PRKD1: variants seen among roughly 807,000 people sequenced by gnomAD.
PRKD1 encodes serine/threonine-protein kinase D1.
Under a neutral mutation model 95.9 loss-of-function variants are expected in PRKD1, and 63 were observed. That is an observed-to-expected ratio of 0.66 (90% CI 0.54 to 0.81). The LOEUF (loss-of-function observed/expected upper bound fraction) is 0.81. Ranked by LOEUF, PRKD1 falls within the 30% of genes least tolerant of loss-of-function variation. The pLI is 0.00. For synonymous variants in PRKD1, 425 were observed against 423.1 expected (o/e 1.00, Z -0.05); for missense variants, 1,048 against 1,165.3 (o/e 0.90, Z 1.47).
At chr14:29,856,226 T>C (rs1378832278) in intron 1 of PRKD1, among the ~76,000 whole-genome samples, 2 of 152,300 alleles carry the variant, frequency 1.3e-5, no homozygotes, top group East Asian at 1.9e-4. Context: ...CAAACTCTTT[T>C]TCCAAGTCTA....
rs188453607 is a variant in PRKD1 at position 29,767,976 on chromosome 14, T to G, written c.265-42302A>C. ...TAGGTTAACATTTATTATCTACTGT[T>G]TTATAACAGAGCAAACAAGTGTGTC... On this transcript the variant is annotated intron_variant, in intron 1 of 17. Transcript: ENST00000331968. 4.9e-4 allele frequency among the ~76,000 whole-genome samples: 74 copies of G among 152,322 alleles called. 1 individual carries two copies. Among genetic ancestry groups the G allele is most frequent in the Admixed American group, 1.6e-3 (25 of 15,302 alleles).
chr14:29,750,613 C>T (rs553840479), intron 1 of PRKD1, among the ~76,000 whole-genome samples: 4 of 142,714 alleles, frequency 2.8e-5, no homozygotes, highest in Non-Finnish European at 6.0e-5. Context: ...TGCATGAACG[C>T]GCGCACACAC....
intron 2 of PRKD1, among the ~76,000 whole-genome samples, chr14:29,705,957 T>C (rs991821042): frequency 3.3e-5 from 5 of 152,156 alleles, no homozygotes; most frequent in Admixed American, 3.3e-4. Context: ...TGAACATATG[T>C]TTTCAATTCT....
intron 1 of PRKD1, among the ~76,000 whole-genome samples, chr14:29,766,750 A>C (rs1340841653): frequency 6.6e-6 from 1 of 152,198 alleles, no homozygotes; most frequent in Non-Finnish European, 1.5e-5. Context: ...AAAAAATGAG[A>C]TATTCATAAT....
chr14:29,776,011 C>T (rs939128946), intron 1 of PRKD1, among the ~76,000 whole-genome samples: 12 of 152,140 alleles, frequency 7.9e-5, no homozygotes, highest in Non-Finnish European at 1.6e-4. Flanking sequence ...CTGCAGCCTC[C>T]GTTGGTGGTA....
intron 1 of PRKD1, among the ~76,000 whole-genome samples, chr14:29,863,929 T>C (rs1007238851): frequency 1.3e-5 from 2 of 152,168 alleles, no homozygotes; most frequent in African/African-American, 4.8e-5. Flanking sequence ...TAGCTACTTC[T>C]GGGAAACAAT....
rs367690824 is a variant in PRKD1 at position 29,743,521 on chromosome 14, T to C, written c.265-17847A>G. Among the ~76,000 whole-genome samples the C allele has an allele frequency of 5.0e-4, 76 of 152,284 alleles. 2 individuals carry two copies. In the South Asian group the frequency reaches 0.016, roughly 32 times the overall value. ...TAAATTCATAGAACATAAAATTCAC[T>C]AGTGGAGACAAGAACATGTTAGGAA... On this transcript the variant is annotated intron_variant, in intron 1 of 17. Transcript: ENST00000331968.
intron 4 of PRKD1, among the ~76,000 whole-genome samples, chr14:29,653,338 T>C (rs987981123): frequency 1.4e-4 from 22 of 152,314 alleles, no homozygotes; most frequent in African/African-American, 5.1e-4. Flanking sequence ...GCTAGAAGCA[T>C]TTAATTCCAA....
At chr14:29,907,514 C>G (rs1395733089) in intron 1 of PRKD1, among the ~76,000 whole-genome samples, 2 of 152,038 alleles carry the variant, frequency 1.3e-5, no homozygotes, top group Non-Finnish European at 2.9e-5. Context: ...GGCAAAGATC[C>G]CTGGTCGTGT....
chr14:29,589,276 C>T (rs997681902), intron 16 of PRKD1, among the ~76,000 whole-genome samples: 1 of 152,274 alleles, frequency 6.6e-6, no homozygotes, highest in Non-Finnish European at 1.5e-5. Flanking sequence ...CCTAGTGAAA[C>T]GACTTGCACT....
chr14:29,709,995 C>A (rs545845350), intron 2 of PRKD1, among the ~76,000 whole-genome samples: 1 of 152,294 alleles, frequency 6.6e-6, no homozygotes, highest in African/African-American at 2.4e-5. Flanking sequence ...TCAATTACTT[C>A]TTCACACAGT....
At chr14:29,789,531 C>G (rs1889438713) in intron 1 of PRKD1, among the ~76,000 whole-genome samples, 1 of 152,118 alleles carries the variant, frequency 6.6e-6, no homozygotes, top group Non-Finnish European at 1.5e-5. Context: ...CTGTGAGTTC[C>G]TCAGTGGCTT....
chr14:29,881,954 T>C (rs1285205107), intron 1 of PRKD1, among the ~76,000 whole-genome samples: 1 of 152,160 alleles, frequency 6.6e-6, no homozygotes, highest in Non-Finnish European at 1.5e-5. Context: ...ACTTATCCCT[T>C]CCATAGTTTT....
At chr14:29,670,466 T>A (rs1280745916) in intron 2 of PRKD1, among the ~76,000 whole-genome samples, 10 of 152,190 alleles carry the variant, frequency 6.6e-5, no homozygotes. Flanking sequence ...TTTTATATAG[T>A]CTTATTTTAA....
intron 1 of PRKD1, among the ~76,000 whole-genome samples, chr14:29,727,297 C>T (rs1886206968): frequency 6.6e-6 from 1 of 151,926 alleles, no homozygotes; most frequent in Non-Finnish European, 1.5e-5. Flanking sequence ...GGATATTAGC[C>T]CTTTGTCAGA....
chr14:29,605,627 C>A (rs971680), intron 13 of PRKD1, among the ~76,000 whole-genome samples: 112 of 152,240 alleles, frequency 7.4e-4, no homozygotes, highest in African/African-American at 2.3e-3. Context: ...GTTGGTGAAC[C>A]TATTTGTCTT....
chr14:29,802,625 G>A (rs994886161), intron 1 of PRKD1, among the ~76,000 whole-genome samples: 1 of 152,196 alleles, frequency 6.6e-6, no homozygotes, highest in Non-Finnish European at 1.5e-5. Context: ...TCAGTCAGTT[G>A]GAGCAACAGA....
chr14:29,808,172 C>T (rs1890318568), intron 1 of PRKD1, among the ~76,000 whole-genome samples: 1 of 152,006 alleles, frequency 6.6e-6, no homozygotes, highest in Non-Finnish European at 1.5e-5. Context: ...CAAATCCTGC[C>T]ACTGCTTTAT....
intron 1 of PRKD1, among the ~76,000 whole-genome samples, chr14:29,731,296 G>C (rs1013113785): frequency 6.6e-6 from 1 of 152,070 alleles, no homozygotes; most frequent in African/African-American, 2.4e-5. Flanking sequence ...ATTCTGCTAA[G>C]GTCCAAATCC....
Sources: gnomAD v4.1 joint callset for allele counts (sites outside exome capture counted in the v4.1 genomes callset) on GRCh38, gnomAD v4.1.1 for gene constraint, MANE v1.5 for transcripts, NCBI Gene and HGNC (gene_info 2026-07-23, HGNC 2026-07-21) for gene names.